The following FAM234B variants were observed in gnomAD, a reference collection of about 807,000 sequenced individuals.
FAM234B encodes the protein protein FAM234B.
In FAM234B, 33 loss-of-function variants were observed where a neutral mutation model predicts 69.3. That is an observed-to-expected ratio of 0.48 (90% CI 0.36 to 0.64). The LOEUF (loss-of-function observed/expected upper bound fraction) is 0.64. FAM234B is among the 30% of genes least tolerant of loss of function. The pLI is 0.00. For missense variants in FAM234B, 697 were observed against 769.7 expected (o/e 0.91, Z 1.12); for synonymous variants, 306 against 306.9 (o/e 1.00, Z 0.03).
intron 9 of FAM234B, among the ~76,000 whole-genome samples, chr12:13,069,766 G>C (rs138352099): frequency 6.6e-6 from 1 of 152,148 alleles, no homozygotes; most frequent in Non-Finnish European, 1.5e-5. Context: ...GGCCCCAAAA[G>C]CACAGCTGCA....
chr12:13,057,963 A>T (rs1486418208), intron 2 of FAM234B, among the ~76,000 whole-genome samples: 1 of 152,202 alleles, frequency 6.6e-6, no homozygotes, highest in Non-Finnish European at 1.5e-5. Flanking sequence ...CCTTTGCTAT[A>T]TGAGTGGGTG....
intron 2 of FAM234B, among the ~76,000 whole-genome samples, chr12:13,056,640 G>A (rs1429853395): frequency 1.3e-5 from 2 of 152,278 alleles, no homozygotes; most frequent in East Asian, 3.9e-4. Flanking sequence ...AGTTGAATTA[G>A]CTTCTGATGA....
chr12:13,077,669 C>T (rs1232422346), intron 11 of FAM234B, among the ~76,000 whole-genome samples: 3 of 151,378 alleles, frequency 2.0e-5, no homozygotes, highest in Non-Finnish European at 3.0e-5. Context: ...TCCAGTCTAT[C>T]ATTGTTGGAC....
At chr12:13,057,044 C>A (rs1864937846) in intron 2 of FAM234B, among the ~76,000 whole-genome samples, 2 of 144,512 alleles carry the variant, frequency 1.4e-5, no homozygotes, top group Non-Finnish European at 3.0e-5. Flanking sequence ...GTGGCATGAT[C>A]TCGGCTTACT....
intron 5 of FAM234B, among the ~76,000 whole-genome samples, chr12:13,064,959 G>T (rs554894142): frequency 7.7e-4 from 118 of 152,286 alleles, no homozygotes; most frequent in African/African-American, 2.7e-3. Context: ...TTAGTGGGAA[G>T]GGACCTTGAA....
chr12:13,067,484 G>A lies in FAM234B; in HGVS notation c.1142+188G>A, dbSNP rs902234718. Among the ~76,000 whole-genome samples, 1 of 152,164 alleles carries A rather than the reference G, an allele frequency of 6.6e-6. No individual in the cohort carries two copies. The highest frequency in any genetic ancestry group is 6.5e-5 in the Admixed American group (1 of 15,282). On this transcript the variant is annotated intron_variant, in intron 7 of 12. Coordinates refer to ENST00000197268, the MANE Select transcript of FAM234B (RefSeq NM_020853.2). The surrounding 1 kb of genome is among the most constrained non-coding windows in gnomAD (Gnocchi z 4.7). ...AATTTTCTTCTCTTGGTAACATAAT[G>A]CGTTGATATCTATGTGTTGGTGACC...
At chr12:13,063,112 T>C (rs1418202696) in intron 5 of FAM234B, 137 bp downstream of exon 5, 2 of 1,069,318 alleles carry the variant, frequency 1.9e-6, no homozygotes, top group East Asian at 5.0e-5. Flanking sequence ...AAATTCTCTT[T>C]GTGAGGTTAA....
At chr12:13,075,165 G>C (rs1393293032) in intron 10 of FAM234B, among the ~76,000 whole-genome samples, 1 of 152,212 alleles carries the variant, frequency 6.6e-6, no homozygotes, top group Non-Finnish European at 1.5e-5. Context: ...TATAATTGAT[G>C]ATTTGCCTCT....
intron 10 of FAM234B, among the ~76,000 whole-genome samples, chr12:13,073,607 T>TC (rs1591602166): frequency 2.0e-5 from 3 of 152,198 alleles, no homozygotes; most frequent in Admixed American, 1.3e-4. Flanking sequence ...AAGAAATGCT[T>TC]CCAGGATCTT....
In FAM234B at chr12:13,079,835, A is replaced by C; in HGVS notation, c.1689A>C (p.Thr563=). The change falls in exon 12 of 13, where the codon ACA becomes ACC. Residue 563 remains threonine (T), a synonymous_variant. Transcript: ENST00000197268. ...AAGATGCCTTTTATGTTACCAGGAC[A>C]ACAGGGCCAAGCTCCGAAGGCCATC... The part of the protein sequence containing the change: ...LWKDAFYVTR[T]TGPSSEGHPA... 6.2e-7 allele frequency: 1 copy of C among 1,614,150 alleles called. No homozygotes were observed. Among genetic ancestry groups the C allele is most frequent in the South Asian group, 1.1e-5 (1 of 91,078 alleles).
chr12:13,074,420 A>G (rs1447879366), intron 10 of FAM234B, among the ~76,000 whole-genome samples: 1 of 152,188 alleles, frequency 6.6e-6, no homozygotes, highest in Non-Finnish European at 1.5e-5. Context: ...GCTTTTCCTC[A>G]AAGAGGGGGC....
chr12:13,074,175 A>T (rs999981961), intron 10 of FAM234B, among the ~76,000 whole-genome samples: 3 of 152,148 alleles, frequency 2.0e-5, no homozygotes, highest in African/African-American at 7.2e-5. Context: ...TGCAAAAAAA[A>T]TTTTGAAGTC....
At chr12:13,066,434 T>C (rs2120482661) in intron 5 of FAM234B, among the ~76,000 whole-genome samples, 1 of 152,322 alleles carries the variant, frequency 6.6e-6, no homozygotes, top group East Asian at 1.9e-4. Flanking sequence ...GCCCTTTGCC[T>C]GGCTCTAGTG....
chr12:13,061,503 G>A, intron 3 of FAM234B, 72 bp from the exon 4 acceptor site: 1 of 1,333,088 alleles, frequency 7.5e-7, no homozygotes, highest in Non-Finnish European at 1.0e-6. Context: ...CAGTTTTCTG[G>A]CCTCTTGTTC....
rs999372663 is a variant in FAM234B at position 13,082,410 on chromosome 12, C to T, written c.*1780C>T. The T allele has an allele frequency of 6.6e-6, 1 of 152,160 alleles. No individual in the cohort carries two copies. Among genetic ancestry groups the T allele is most frequent in the Non-Finnish European group, 1.5e-5 (1 of 68,022 alleles). 9.4% of individuals were successfully genotyped at this position (152,160 alleles called of 1,614,324 possible). On this transcript the variant is annotated 3_prime_UTR_variant, in exon 13 of 13. Coordinates refer to ENST00000197268, the MANE Select transcript of FAM234B (RefSeq NM_020853.2). ...GCAGTAGATCCAAGCATGCATGTTG[C>T]CTGGCCTGTAGATTGGCCTTATCAG...
chr12:13,067,200 A>C lies in FAM234B; in HGVS notation c.1046A>C (p.Gln349Pro), dbSNP rs1480279745. ...CTGCGGGACATTTTTGTTCAGGCCC[A>C]AAATCGAGACAGCTCACCACCTTCT... ...VALRDIFVQA[Q>P]NRDSSPPSLQ... Residue 349 changes from glutamine to proline, a missense_variant, in exon 7 of 13, where the codon CAA (glutamine) becomes CCA (proline). Around this residue, in one of 3 missense-constraint regions of FAM234B, gnomAD observed 380 missense variants for 447.1 expected, o/e 0.85. Coordinates refer to ENST00000197268, the MANE Select transcript of FAM234B (RefSeq NM_020853.2). This position sits in a 1 kb window ranked among gnomAD's most constrained non-coding sequence, Gnocchi z 4.7. 4.3e-6 allele frequency: 7 copies of C among 1,613,942 alleles called. No homozygotes were observed. The East Asian group carries it at 1.3e-4, about 31-fold the overall frequency.
chr12:13,077,049 A>G (rs1030712808), intron 11 of FAM234B, among the ~76,000 whole-genome samples: 1 of 152,086 alleles, frequency 6.6e-6, no homozygotes, highest in Non-Finnish European at 1.5e-5. Context: ...ATTGGGATAC[A>G]CGGGGAAGAA....
At chr12:13,080,058 C>A (rs747528881) in intron 12 of FAM234B, 49 bp downstream of exon 12, 49 of 1,335,308 alleles carry the variant, frequency 3.7e-5, no homozygotes, top group Non-Finnish European at 5.0e-5. Context: ...AGGACAAATA[C>A]TACCAATTCC....
chr12:13,051,488 G>T (rs1162075060), intron 1 of FAM234B, among the ~76,000 whole-genome samples: 4 of 152,194 alleles, frequency 2.6e-5, no homozygotes, highest in African/African-American at 9.7e-5. Context: ...TGTTCAAAAT[G>T]CTTGGAAGTT....
Sources: allele counts gnomAD v4.1 joint callset (sites outside exome capture counted in the v4.1 genomes callset), GRCh38; gene constraint gnomAD v4.1.1; regional missense constraint gnomAD v4.1.1; non-coding constraint Gnocchi (gnomAD v3.1); transcripts MANE v1.5; gene names NCBI Gene and HGNC (gene_info 2026-07-23, HGNC 2026-07-21).